GNG4: variants seen among roughly 807,000 people sequenced by gnomAD.
GNG4 encodes G protein subunit gamma 4.
A neutral mutation model predicts 5.8 loss-of-function variants in GNG4; 4 were observed. That is an observed-to-expected ratio of 0.69 (90% CI 0.34 to 1.57). The LOEUF (loss-of-function observed/expected upper bound fraction) is 1.57. Among genes scored for constraint, GNG4 ranks in the 40% most tolerant of loss-of-function variants. The probability of loss-of-function intolerance (pLI) is 0.06; values close to 1 mark genes in which losing one functional copy is unlikely to be tolerated. For missense variants in GNG4, 96 were observed against 95.1 expected (o/e 1.01, Z -0.04); for synonymous variants, 29 against 32.9 (o/e 0.88, Z 0.41).
chr1:235,603,187 G>A (rs1688291100), intron 1 of GNG4, among the ~76,000 whole-genome samples: 1 of 151,840 alleles, frequency 6.6e-6, no homozygotes, highest in African/African-American at 2.4e-5. Flanking sequence ...AGGTTGCAGT[G>A]AGCAGAGATC....
intron 1 of GNG4, among the ~76,000 whole-genome samples, chr1:235,606,483 G>A (rs1292218665): frequency 6.6e-6 from 1 of 152,166 alleles, no homozygotes; most frequent in Non-Finnish European, 1.5e-5. Context: ...GAGGGTGGAA[G>A]AGCCAGGGGA....
chr1:235,586,210 CACG>C (rs773933721), intron 2 of GNG4, among the ~76,000 whole-genome samples: 22 of 152,312 alleles, frequency 1.4e-4, no homozygotes, highest in Non-Finnish European at 2.6e-4. Flanking sequence ...GAAGGAGAAT[CACG>C]ACAAGTTGGG....
At chr1:235,616,816 G>C (rs1688600004) in intron 1 of GNG4, among the ~76,000 whole-genome samples, 3 of 151,900 alleles carry the variant, frequency 2.0e-5, no homozygotes, top group African/African-American at 7.3e-5. Flanking sequence ...TCAGCTCACT[G>C]AAACCTCCAC....
At chr1:235,592,771 T>C (rs60414806) in intron 2 of GNG4, among the ~76,000 whole-genome samples, 5,697 of 152,100 alleles carry the variant, frequency 0.037, 340 homozygotes, top group African/African-American at 0.13. Context: ...GAAATGTACC[T>C]CCGACTTTAA....
At chr1:235,628,507 C>T (rs1688867613) in intron 1 of GNG4, among the ~76,000 whole-genome samples, 1 of 151,862 alleles carries the variant, frequency 6.6e-6, no homozygotes, top group African/African-American at 2.4e-5. Flanking sequence ...AGTTTTGTGT[C>T]CCCAGGCAGG....
At chr1:235,587,134 G>A (rs902343133) in intron 2 of GNG4, among the ~76,000 whole-genome samples, 1 of 151,312 alleles carries the variant, frequency 6.6e-6, no homozygotes, top group Admixed American at 6.6e-5. Flanking sequence ...TGGTGAGTAG[G>A]AGTGTGTGAA....
At chr1:235,629,260 C>T (rs982594355) in intron 1 of GNG4, among the ~76,000 whole-genome samples, 1 of 151,960 alleles carries the variant, frequency 6.6e-6, no homozygotes, top group African/African-American at 2.4e-5. Context: ...AGCCATCCTC[C>T]CACCTTGGCC....
intron 2 of GNG4, among the ~76,000 whole-genome samples, chr1:235,585,542 TTTG>T (rs1245731639): frequency 1.3e-5 from 2 of 152,252 alleles, no homozygotes; most frequent in East Asian, 1.9e-4. Context: ...GCTTTTGAAC[TTTG>T]TTTTTATATT....
At chr1:235,552,761 CATTTTT>C (rs955391876) in intron 3 of GNG4, among the ~76,000 whole-genome samples, 1 of 151,914 alleles carries the variant, frequency 6.6e-6, no homozygotes, top group Non-Finnish European at 1.5e-5. Flanking sequence ...ATTCATTTTT[CATTTTT>C]ATTTCTTTTT....
chr1:235,562,438 G>C (rs986368862), intron 3 of GNG4, among the ~76,000 whole-genome samples: 1 of 152,056 alleles, frequency 6.6e-6, no homozygotes, highest in African/African-American at 2.4e-5. Context: ...CTTGAGGTCA[G>C]GAGTTCAAGA....
intron 2 of GNG4, among the ~76,000 whole-genome samples, chr1:235,589,336 C>G (rs543922860): frequency 1.4e-4 from 21 of 152,260 alleles, no homozygotes; most frequent in African/African-American, 4.8e-4. Context: ...AAGAGTTAAG[C>G]TGCTGACCCC....
At chr1:235,632,390 A>G (rs1688949638) in intron 1 of GNG4, among the ~76,000 whole-genome samples, 2 of 152,188 alleles carry the variant, frequency 1.3e-5, no homozygotes, top group South Asian at 4.1e-4. Context: ...CCCGGCCAAC[A>G]TGTTTCTCAT....
intron 1 of GNG4, among the ~76,000 whole-genome samples, chr1:235,635,498 GC>G (rs1174127023): frequency 2.1e-5 from 2 of 95,682 alleles, no homozygotes; most frequent in African/African-American, 8.8e-5. Flanking sequence ...CTCCATCTCG[GC>G]GGGGAAAAAT....
At chr1:235,593,744 C>T (rs998240135) in intron 2 of GNG4, among the ~76,000 whole-genome samples, 5 of 151,780 alleles carry the variant, frequency 3.3e-5, no homozygotes, top group African/African-American at 1.2e-4. Context: ...GCTCTTAAGG[C>T]GGCGCGTCTG....
chr1:235,641,687 C>G (rs1297490444), intron 1 of GNG4, among the ~76,000 whole-genome samples: 1 of 152,016 alleles, frequency 6.6e-6, no homozygotes, highest in Non-Finnish European at 1.5e-5. Flanking sequence ...CAAGACTCCA[C>G]CTAAAAATAT....
Position 235,618,003 on chromosome 1 carries a change from C to T in GNG4, c.-122-22492G>A, listed in dbSNP as rs146688831. On this transcript the variant is annotated intron_variant, in intron 1 of 3. Coordinates refer to ENST00000391854, the MANE Select transcript of GNG4 (RefSeq NM_001098722.2). ...GACATCTCTGTTAGAAGGCAGACTG[C>T]ACAAACTATCCTCCCCTAGTGGAGA... 4.7e-3 allele frequency among the ~76,000 whole-genome samples: 722 copies of T among 152,172 alleles called. 2 individuals are homozygous for T. Among genetic ancestry groups the T allele is most frequent in the Admixed American group, 8.1e-3 (124 of 15,286 alleles).
rs918574886 is a variant in GNG4 at position 235,642,871 on chromosome 1, T to C, written c.-123+6791A>G. 1.3e-5 allele frequency among the ~76,000 whole-genome samples: 2 copies of C among 152,106 alleles called. No individual in the cohort carries two copies. Among genetic ancestry groups the C allele is most frequent in the African/African-American group, 4.8e-5 (2 of 41,434 alleles). Reference sequence around the variant, plus strand: ...TGCCCCCTCGATGTCACCTCCTGACTTGGCAAGTCATACACCCTCTCTCTA... The same window carrying C: ...TGCCCCCTCGATGTCACCTCCTGACCTGGCAAGTCATACACCCTCTCTCTA... On this transcript the variant is annotated intron_variant, in intron 1 of 3. Coordinates refer to ENST00000391854, the MANE Select transcript of GNG4 (RefSeq NM_001098722.2). This position sits in a 1 kb window ranked among gnomAD's most constrained non-coding sequence, Gnocchi z 4.3.
At chr1:235,628,219 A>C (rs1286197853) in intron 1 of GNG4, among the ~76,000 whole-genome samples, 12 of 152,186 alleles carry the variant, frequency 7.9e-5, no homozygotes, top group South Asian at 4.1e-4. Flanking sequence ...ACAACAACAA[A>C]AAACCAGACA....
chr1:235,611,761 C>T (rs1012973799), intron 1 of GNG4, among the ~76,000 whole-genome samples: 4 of 152,246 alleles, frequency 2.6e-5, no homozygotes, highest in African/African-American at 7.2e-5. Context: ...TGAGCATTGC[C>T]AGTATATATG....
Sources: gnomAD v4.1 joint callset for allele counts (sites outside exome capture counted in the v4.1 genomes callset) on GRCh38, gnomAD v4.1.1 for gene constraint, Gnocchi (gnomAD v3.1) non-coding constraint, MANE v1.5 for transcripts, NCBI Gene and HGNC (gene_info 2026-07-23, HGNC 2026-07-21) for gene names.